DTNA: variants seen among roughly 807,000 people sequenced by gnomAD.
DTNA encodes the protein dystrobrevin alpha, also known as dystrophin-related protein 3.
A neutral mutation model predicts 100.7 loss-of-function variants in DTNA; 43 were observed. The ratio of observed to expected loss-of-function variants is 0.43; its 90% CI spans 0.33 to 0.55. The LOEUF is 0.55. DTNA is among the 20% of genes least tolerant of loss of function. The pLI, the probability that DTNA is intolerant of heterozygous loss-of-function variation, is 0.04. For missense variants in DTNA, 798 were observed against 953.9 expected (o/e 0.84, Z 2.15); for synonymous variants, 349 against 347.9 (o/e 1.00, Z -0.04).
chr18:34,685,336 C>G (rs2078731346), intron 1 of DTNA, among the ~76,000 whole-genome samples: 1 of 152,126 alleles, frequency 6.6e-6, no homozygotes. Context: ...GGAAAGGGTC[C>G]AGTTTCAGCT....
chr18:34,733,665 A>G (rs958379181), intron 1 of DTNA, among the ~76,000 whole-genome samples: 11 of 152,128 alleles, frequency 7.2e-5, no homozygotes, highest in East Asian at 1.9e-4. Context: ...TCACAAATCT[A>G]TTTCACAAGG....
At chr18:34,796,383 A>C (rs2094970147) in intron 4 of DTNA, among the ~76,000 whole-genome samples, 1 of 152,260 alleles carries the variant, frequency 6.6e-6, no homozygotes, top group Non-Finnish European at 1.5e-5. Flanking sequence ...TTCTTATAAT[A>C]GTAAACTCCA....
At chr18:34,818,613 G>T in intron 8 of DTNA, 2 of 1,242,018 alleles carry the variant, frequency 1.6e-6, no homozygotes, top group South Asian at 3.9e-5. Context: ...CAACTGAATA[G>T]CAAGGACCTT....
chr18:34,801,679 T>A (rs2095219481), intron 4 of DTNA, among the ~76,000 whole-genome samples: 1 of 151,788 alleles, frequency 6.6e-6, no homozygotes. Flanking sequence ...CCCGGCTAAT[T>A]TTTTGTATTT....
chr18:34,887,617 C>T (rs941115167), intron 22 of DTNA, 149 bp from the exon 23 acceptor site: 5 of 550,956 alleles, frequency 9.1e-6, no homozygotes, highest in Non-Finnish European at 1.2e-5. Context: ...TCCTGATTGT[C>T]GTAGGAAAGG....
chr18:34,582,280 A>G (rs1015198571), intron 1 of DTNA, among the ~76,000 whole-genome samples: 1 of 152,074 alleles, frequency 6.6e-6, no homozygotes, highest in Admixed American at 6.5e-5. Flanking sequence ...CCACTCTTCA[A>G]CTACCCTTAA....
At chr18:34,779,219 T>C (rs2094204655) in intron 3 of DTNA, among the ~76,000 whole-genome samples, 1 of 152,132 alleles carries the variant, frequency 6.6e-6, no homozygotes, top group African/African-American at 2.4e-5. Flanking sequence ...TGATAAGAAT[T>C]GTTTTGTGTC....
intron 3 of DTNA, among the ~76,000 whole-genome samples, chr18:34,768,311 C>G (rs8097825): frequency 3.3e-5 from 5 of 151,068 alleles, no homozygotes; most frequent in African/African-American, 4.9e-5. Flanking sequence ...AACGCCCCCC[C>G]AAAAAAAGCA....
At chr18:34,721,424 T>G (rs2085290215) in intron 1 of DTNA, among the ~76,000 whole-genome samples, 1 of 152,184 alleles carries the variant, frequency 6.6e-6, no homozygotes, top group African/African-American at 2.4e-5. Flanking sequence ...ATTCTGATTC[T>G]CACACACTGG....
At chr18:34,512,526 A>G (rs2041194106) in intron 1 of DTNA, among the ~76,000 whole-genome samples, 1 of 152,016 alleles carries the variant, frequency 6.6e-6, no homozygotes, top group South Asian at 2.1e-4. Flanking sequence ...CTCAGCATAA[A>G]CATTAACCTT....
chr18:34,881,987 G>T (rs979120461), intron 20 of DTNA, 82 bp from the exon 21 acceptor site: 2 of 1,599,664 alleles, frequency 1.3e-6, no homozygotes, highest in South Asian at 1.1e-5. Context: ...AGGTGCCAAC[G>T]AAACTACAGC....
intron 1 of DTNA, among the ~76,000 whole-genome samples, chr18:34,535,081 A>G (rs1362827041): frequency 6.6e-6 from 1 of 152,110 alleles, no homozygotes; most frequent in Non-Finnish European, 1.5e-5. Flanking sequence ...GTGTTCCACA[A>G]TGGTTGAACT....
chr18:34,774,267 C>A (rs1289903684), intron 3 of DTNA, among the ~76,000 whole-genome samples: 3 of 152,244 alleles, frequency 2.0e-5, no homozygotes, highest in Non-Finnish European at 4.4e-5. Context: ...AAACTGCCTG[C>A]TTGGCTTGGA....
At chr18:34,594,706 CA>C (rs1191630516) in intron 1 of DTNA, among the ~76,000 whole-genome samples, 1 of 152,126 alleles carries the variant, frequency 6.6e-6, no homozygotes, top group East Asian at 1.9e-4. Context: ...TTGATAAAGT[CA>C]TTTGATTTTA....
intron 1 of DTNA, among the ~76,000 whole-genome samples, chr18:34,620,357 C>CA (rs1233617887): frequency 6.6e-6 from 1 of 151,900 alleles, no homozygotes; most frequent in African/African-American, 2.4e-5. Flanking sequence ...ATGCTCATAT[C>CA]AAAAAAGTTC....
chr18:34,606,652 G>T (rs527786213), intron 1 of DTNA, among the ~76,000 whole-genome samples: 1 of 152,124 alleles, frequency 6.6e-6, no homozygotes, highest in African/African-American at 2.4e-5. Context: ...CAGTATAAAG[G>T]TGCCCAGAGA....
intron 1 of DTNA, among the ~76,000 whole-genome samples, chr18:34,737,421 T>C (rs960282059): frequency 6.6e-6 from 1 of 152,240 alleles, no homozygotes; most frequent in African/African-American, 2.4e-5. Context: ...CTTAGAAATA[T>C]ATTTGAAGCC....
chr18:34,589,794 T>C (rs1353669119), intron 1 of DTNA, among the ~76,000 whole-genome samples: 1 of 152,186 alleles, frequency 6.6e-6, no homozygotes, highest in Non-Finnish European at 1.5e-5. Context: ...CTGGTAACTA[T>C]TGCTTTACTC....
intron 1 of DTNA, among the ~76,000 whole-genome samples, chr18:34,585,995 T>C (rs2049096401): frequency 6.6e-6 from 1 of 152,220 alleles, no homozygotes; most frequent in Non-Finnish European, 1.5e-5. Context: ...GGAGGGCTCC[T>C]GGAGTCCCCA....
Sources: allele counts gnomAD v4.1 joint callset (sites outside exome capture counted in the v4.1 genomes callset), GRCh38; gene constraint gnomAD v4.1.1; transcripts MANE v1.5; gene names NCBI Gene and HGNC (gene_info 2026-07-23, HGNC 2026-07-21).